The following DNAL1 variants were observed in gnomAD, a reference collection of about 807,000 sequenced individuals.
DNAL1 encodes the protein dynein axonemal light chain 1, also known as chromosome 14 open reading frame 168.
A neutral mutation model predicts 29.4 loss-of-function variants in DNAL1; 17 were observed. The observed-to-expected ratio is 0.58, with a 90% CI of 0.40 to 0.87. The LOEUF is 0.87. Among genes scored for constraint, DNAL1 ranks in the 40% least tolerant of loss-of-function variants. The pLI is 0.00. For synonymous variants in DNAL1, 78 were observed against 76.3 expected (o/e 1.02, Z -0.12); for missense variants, 188 against 214.1 (o/e 0.88, Z 0.76).
rs901805297 is a variant in DNAL1, at chr14:73,699,666, T to C, written c.*3724T>C. On this transcript the variant is annotated 3_prime_UTR_variant, in exon 8 of 8. Coordinates refer to ENST00000553645, the MANE Select transcript of DNAL1 (RefSeq NM_031427.4). ...ACTCAGGGCTGGAAGGTTCAACTTC[T>C]CTTTTTTGAAGCAGGGTCTCAACTT... is the stretch of plus-strand genomic sequence containing the variant. The C allele has an allele frequency of 3.3e-5, 5 of 152,184 alleles. No homozygotes were observed. The highest frequency in any genetic ancestry group is 1.2e-4 in the African/African-American group (5 of 41,448). The allele number at this position is 152,184 out of a possible 1,614,324, so 9.4% of individuals were successfully genotyped here. A position where few individuals can be genotyped will look rare whatever the true frequency, so the allele number is the denominator to read the frequency against.
intron 5 of DNAL1, among the ~76,000 whole-genome samples, chr14:73,685,460 A>ATT (rs200537222): frequency 0.11 from 15,913 of 139,538 alleles, 1,845 homozygotes; most frequent in East Asian, 0.61. Context: ...TTTCTGCTTA[A>ATT]TTTTTTTTTT....
intron 5 of DNAL1, among the ~76,000 whole-genome samples, chr14:73,679,247 C>T (rs1303567994): frequency 2.6e-5 from 4 of 152,068 alleles, no homozygotes; most frequent in African/African-American, 9.7e-5. Context: ...GCCTGCCTCA[C>T]CCTCCCAAAG....
In DNAL1 at chr14:73,701,001, A is replaced by T. The variant is rs1892425084; in HGVS notation, c.*5059A>T. ...GAACTTTTAGAAATACCATATCTGT[A>T]TCTCTATTCCTGCATTTTATAAATC... On this transcript the variant is annotated 3_prime_UTR_variant, in exon 8 of 8. Coordinates refer to ENST00000553645, the MANE Select transcript of DNAL1 (RefSeq NM_031427.4). The T allele has an allele frequency of 6.6e-6, 1 of 152,214 alleles. No homozygotes were observed. The highest frequency in any genetic ancestry group is 6.5e-5 in the Admixed American group (1 of 15,272). The allele number at this position is 152,214 out of a possible 1,614,324, so 9.4% of individuals were successfully genotyped here.
At chr14:73,688,479 C>T (rs116786210) in intron 6 of DNAL1, among the ~76,000 whole-genome samples, 1,703 of 152,078 alleles carry the variant, frequency 0.011, 30 homozygotes, top group African/African-American at 0.04. Flanking sequence ...AAAACATAGC[C>T]AGGTGTGGTG....
At chr14:73,688,820 T>C (rs1892085608) in intron 6 of DNAL1, among the ~76,000 whole-genome samples, 1 of 152,130 alleles carries the variant, frequency 6.6e-6, no homozygotes, top group African/African-American at 2.4e-5. Context: ...TCTCGTCTTA[T>C]TTCATCCTTA....
At position 73,701,376 on chromosome 14, in the gene DNAL1, G is replaced by A. The variant is rs1892432611; in HGVS notation, c.*5434G>A. On this transcript the variant is annotated 3_prime_UTR_variant, in exon 8 of 8. Transcript: ENST00000553645. ...CCTTGCTCGTTCTAAACCCACATGA[G>A]TAGTTAACTGTCTTTTGACATAATC... is the stretch of plus-strand genomic sequence containing the variant. The A allele has an allele frequency of 7.4e-6, 1 of 135,370 alleles. No individual in the cohort carries two copies. The highest frequency in any genetic ancestry group is 1.7e-5 in the Non-Finnish European group (1 of 60,182). The allele number at this position is 135,370 out of a possible 1,614,324, so 8.4% of individuals were successfully genotyped here.
intron 1 of DNAL1, among the ~76,000 whole-genome samples, chr14:73,647,309 G>A (rs1336239182): frequency 4.8e-5 from 7 of 147,140 alleles, no homozygotes; most frequent in Non-Finnish European, 8.9e-5. Context: ...AGCTTGCAGT[G>A]AGCTGAGATT....
chr14:73,657,746 A>G (rs1891250338), intron 2 of DNAL1, among the ~76,000 whole-genome samples: 1 of 152,158 alleles, frequency 6.6e-6, no homozygotes, highest in Admixed American at 6.5e-5. Context: ...GGCACGTGCC[A>G]CCACACCAGG....
intron 4 of DNAL1, among the ~76,000 whole-genome samples, chr14:73,668,684 C>CTT (rs373557372): frequency 6.8e-6 from 1 of 147,858 alleles, no homozygotes; most frequent in Non-Finnish European, 1.5e-5. Context: ...CCCTCTGTCT[C>CTT]TTTTTTTTTT....
intron 5 of DNAL1, among the ~76,000 whole-genome samples, chr14:73,672,090 A>C (rs1357087558): frequency 6.6e-6 from 1 of 152,172 alleles, no homozygotes; most frequent in Non-Finnish European, 1.5e-5. Context: ...GGGAGCTGAA[A>C]TTGCAGTGGT....
rs1265217021 is a variant in DNAL1 at position 73,703,589 on chromosome 14, G to C, written c.*7647G>C. 3.3e-5 allele frequency: 5 copies of C among 152,186 alleles called. No homozygotes were observed. Among genetic ancestry groups the C allele is most frequent in the African/African-American group, 1.2e-4 (5 of 41,430 alleles). 9.4% of individuals were successfully genotyped at this position (152,186 alleles called of 1,614,324 possible). Reference sequence around the variant, plus strand: ...ATGTACTTTGTGAGCTCCACCCACTGTCTGCAAAACATTGCTCTTAACTTC... The same window carrying C: ...ATGTACTTTGTGAGCTCCACCCACTCTCTGCAAAACATTGCTCTTAACTTC... On this transcript the variant is annotated 3_prime_UTR_variant, in exon 8 of 8. Coordinates refer to ENST00000553645, the MANE Select transcript of DNAL1 (RefSeq NM_031427.4).
intron 4 of DNAL1, among the ~76,000 whole-genome samples, chr14:73,667,986 A>G (rs1270872081): frequency 6.6e-6 from 1 of 151,980 alleles, no homozygotes; most frequent in East Asian, 1.9e-4. Context: ...ATGTCCTATT[A>G]CTCTTCCTTC....
At chr14:73,666,359 A>T (rs1891477630) in intron 4 of DNAL1, among the ~76,000 whole-genome samples, 1 of 152,200 alleles carries the variant, frequency 6.6e-6, no homozygotes, top group Non-Finnish European at 1.5e-5. Flanking sequence ...GTATAATATG[A>T]ATAATAATCT....
chr14:73,678,622 A>G (rs1186312648), intron 5 of DNAL1, among the ~76,000 whole-genome samples: 3 of 151,670 alleles, frequency 2.0e-5, no homozygotes, highest in Non-Finnish European at 2.9e-5. Context: ...CAGTTTGTCA[A>G]TAGCTATCAC....
At chr14:73,652,269 A>C (rs114076185) in intron 1 of DNAL1, among the ~76,000 whole-genome samples, 1 of 151,658 alleles carries the variant, frequency 6.6e-6, no homozygotes, top group African/African-American at 2.4e-5. Context: ...TGTTCAGGTT[A>C]TATACATTTT....
intron 5 of DNAL1, among the ~76,000 whole-genome samples, chr14:73,678,356 ATTG>A (rs1234356548): frequency 2.0e-5 from 3 of 152,080 alleles, no homozygotes; most frequent in Non-Finnish European, 4.4e-5. Context: ...ATGCTATTAT[ATTG>A]TTGTTGTAAT....
At chr14:73,671,392 T>C in intron 4 of DNAL1, 150 bp from the exon 5 acceptor site, 1 of 838,878 alleles carries the variant, frequency 1.2e-6, no homozygotes, top group Non-Finnish European at 1.6e-6. Flanking sequence ...TATTTCTACT[T>C]GATTACCCAT....
rs916023580 is a variant in DNAL1 at position 73,701,472 on chromosome 14, G to A, written c.*5530G>A. 6.6e-6 allele frequency: 1 copy of A among 152,210 alleles called. No individual in the cohort carries two copies. The highest frequency in any genetic ancestry group is 6.5e-5 in the Admixed American group (1 of 15,286). The allele number at this position is 152,210 out of a possible 1,614,324, so 9.4% of individuals were successfully genotyped here. On this transcript the variant is annotated 3_prime_UTR_variant, in exon 8 of 8. Transcript: ENST00000553645. Reference sequence around the variant, plus strand: ...CTGTTACATCCAAGATCATCCCTCTGGGGGATGTGTCAAGTAGTTCTCCTA... The same window carrying A: ...CTGTTACATCCAAGATCATCCCTCTAGGGGATGTGTCAAGTAGTTCTCCTA...
rs1892381883 is a variant in DNAL1, at chr14:73,699,506, A to C, written c.*3564A>C. 6.6e-6 allele frequency: 1 copy of C among 152,056 alleles called. No individual in the cohort carries two copies. The highest frequency in any genetic ancestry group is 2.1e-4 in the South Asian group (1 of 4,830). 9.4% of individuals were successfully genotyped at this position (152,056 alleles called of 1,614,324 possible). ...TTTTTAGTACAGACGGCGTTTCACC[A>C]TATTGGCCAGGCTGGTCTCAAACTC... On this transcript the variant is annotated 3_prime_UTR_variant, in exon 8 of 8. Transcript: ENST00000553645.
Sources: gnomAD v4.1 joint callset for allele counts (sites outside exome capture counted in the v4.1 genomes callset) on GRCh38, gnomAD v4.1.1 for gene constraint, MANE v1.5 for transcripts, NCBI Gene and HGNC (gene_info 2026-07-23, HGNC 2026-07-21) for gene names.